Variants in LDAH observed in about 807,000 individuals in gnomAD.
LDAH encodes the protein lipid droplet-associated hydrolase.
In LDAH, 26 loss-of-function variants were observed where a neutral mutation model predicts 29.6. That is an observed-to-expected ratio of 0.88 (90% CI 0.64 to 1.22). The LOEUF is 1.22. Ranked by LOEUF, LDAH falls within the 50% of genes most tolerant of loss-of-function variation. The probability of loss-of-function intolerance (pLI) is 0.00; values close to 1 mark genes in which losing one functional copy is unlikely to be tolerated. For synonymous variants in LDAH, 117 were observed against 133.0 expected (o/e 0.88, Z 0.83); for missense variants, 344 against 387.3 (o/e 0.89, Z 0.94).
In LDAH at chr2:20,740,163, A is replaced by G. The variant is rs773762561; in HGVS notation, c.511T>C (p.Ser171Pro). The change falls in exon 5 of 7, where the codon TCT becomes CCT. Residue 171 changes from serine (S) to proline (P), a missense_variant. Physicochemically the swap from Ser to Pro is moderately conservative, Grantham distance 74 (BLOSUM62 -1). Coordinates refer to ENST00000237822, the MANE Select transcript of LDAH (RefSeq NM_021925.4). ...FLLFPTIERMSESPNGRIATP... is the reference protein window; with the variant it reads ...FLLFPTIERMPESPNGRIATP... The stretch of plus-strand genomic sequence containing the variant: ...GCAATTCTGCCATTGGGTGACTCAG[A>G]CATTCGTTCAATTGTTGGAAAGAGC... The G allele has an allele frequency of 1.9e-6, 3 of 1,614,144 alleles. No individual in the cohort carries two copies. Among genetic ancestry groups the G allele is most frequent in the Non-Finnish European group, 2.5e-6 (3 of 1,179,986 alleles).
At chr2:20,770,714 T>G (rs1379809090) in intron 4 of LDAH, among the ~76,000 whole-genome samples, 2 of 152,216 alleles carry the variant, frequency 1.3e-5, no homozygotes, top group Non-Finnish European at 2.9e-5. Context: ...AGCAGTTGTG[T>G]ACACTGCAGG....
intron 3 of LDAH, among the ~76,000 whole-genome samples, chr2:20,780,126 T>C (rs946479118): frequency 1.3e-5 from 2 of 152,232 alleles, no homozygotes; most frequent in Non-Finnish European, 2.9e-5. Flanking sequence ...ACAACTCTGT[T>C]AGCTCTTAAA....
chr2:20,716,737 T>C lies in LDAH; in HGVS notation c.704-15085A>G, dbSNP rs536300282. 3.4e-5 allele frequency among the ~76,000 whole-genome samples: 5 copies of C among 149,216 alleles called. No homozygotes were observed. In the South Asian group the frequency reaches 6.4e-4, roughly 19 times the overall value. Reference sequence around the variant, plus strand: ...AACTTTAAGTATATATACATATATATATATATATGAGTAGAGAAGCACCCT... The same window carrying C: ...AACTTTAAGTATATATACATATATACATATATATGAGTAGAGAAGCACCCT... On this transcript the variant is annotated intron_variant, in intron 5 of 6. Coordinates refer to ENST00000237822, the MANE Select transcript of LDAH (RefSeq NM_021925.4).
intron 4 of LDAH, among the ~76,000 whole-genome samples, chr2:20,747,367 G>A (rs1667644563): frequency 6.6e-6 from 1 of 152,064 alleles, no homozygotes; most frequent in African/African-American, 2.4e-5. Flanking sequence ...ATGGCAGGGT[G>A]CTTCTCCACC....
rs1263934496 is a variant in LDAH at position 20,684,098 on chromosome 2, A to G, written c.*2805T>C. The G allele has an allele frequency of 6.6e-6, 1 of 152,248 alleles. No homozygotes were observed. Among genetic ancestry groups the G allele is most frequent in the Non-Finnish European group, 1.5e-5 (1 of 68,044 alleles). 9.4% of individuals were successfully genotyped at this position (152,248 alleles called of 1,614,324 possible). A position where few individuals can be genotyped will look rare whatever the true frequency, so the allele number is the denominator to read the frequency against. ...TCAAACTTCCAAAAAATCTGCAAGT[A>G]CAAAGAACATTATTTTCCCCTCAAC... On this transcript the variant is annotated 3_prime_UTR_variant, in exon 7 of 7. Coordinates refer to ENST00000237822, the MANE Select transcript of LDAH (RefSeq NM_021925.4).
chr2:20,808,634 C>A (rs988664524), intron 1 of LDAH, among the ~76,000 whole-genome samples: 1 of 143,882 alleles, frequency 7.0e-6, no homozygotes, highest in Non-Finnish European at 1.5e-5. Flanking sequence ...CTCCAGCCTG[C>A]GCGATAGAGA....
At chr2:20,740,725 A>G (rs922165102) in intron 4 of LDAH, among the ~76,000 whole-genome samples, 3 of 152,328 alleles carry the variant, frequency 2.0e-5, no homozygotes, top group African/African-American at 7.2e-5. Context: ...GCAATTATGA[A>G]TAAAGCTGCT....
intron 1 of LDAH, among the ~76,000 whole-genome samples, chr2:20,808,468 C>T (rs1179930099): frequency 2.0e-5 from 3 of 152,010 alleles, no homozygotes; most frequent in Non-Finnish European, 4.4e-5. Flanking sequence ...TAGAGACCAT[C>T]CTGGCTAACA....
Position 20,684,980 on chromosome 2 carries a change from C to A in LDAH, c.*1923G>T. 1 of 1,545,440 alleles carries A rather than the reference C, an allele frequency of 6.5e-7. No homozygotes were observed. Among genetic ancestry groups the A allele is most frequent in the Non-Finnish European group, 8.7e-7 (1 of 1,144,542 alleles). On this transcript the variant is annotated 3_prime_UTR_variant, in exon 7 of 7. Transcript: ENST00000237822. ...TCACTTTAAAAGAGAGACTTTGAGC[C>A]GAGTCTAACTCAGGAGAACTGCTCA...
intron 4 of LDAH, among the ~76,000 whole-genome samples, chr2:20,762,486 C>T (rs1668759079): frequency 6.6e-6 from 1 of 152,158 alleles, no homozygotes; most frequent in Non-Finnish European, 1.5e-5. Context: ...GAAGTACACA[C>T]ATACACAACA....
intron 4 of LDAH, among the ~76,000 whole-genome samples, chr2:20,753,013 C>T (rs1398415262): frequency 6.6e-6 from 1 of 152,090 alleles, no homozygotes; most frequent in East Asian, 1.9e-4. Flanking sequence ...ACAACAAAAA[C>T]CAGGCACCTT....
chr2:20,744,223 AT>A (rs3047719), intron 4 of LDAH, among the ~76,000 whole-genome samples: 12,825 of 131,098 alleles, frequency 0.098, 504 homozygotes, highest in African/African-American at 0.11. Context: ...TTCTCCTCAG[AT>A]TTTTTTTTTT....
intron 5 of LDAH, among the ~76,000 whole-genome samples, chr2:20,715,303 G>A (rs4556939): frequency 0.59 from 89,730 of 151,996 alleles, 28,299 homozygotes; most frequent in African/African-American, 0.84. Flanking sequence ...CAATAGATGC[G>A]GAAAAGGCCT....
chr2:20,748,333 G>A lies in LDAH; in HGVS notation c.469-8128C>T, dbSNP rs182935675. Among the ~76,000 whole-genome samples, 227 of 152,128 alleles carry A rather than the reference G, an allele frequency of 1.5e-3. 1 individual carries two copies. Among genetic ancestry groups the A allele is most frequent in the Non-Finnish European group, 1.9e-3 (127 of 67,998 alleles). ...TTAATACTTTTAATCTTCATGTCAC[G>A]GTTGTTAATAATAAGGAATGTTTGC... On this transcript the variant is annotated intron_variant, in intron 4 of 6. Coordinates refer to ENST00000237822, the MANE Select transcript of LDAH (RefSeq NM_021925.4).
intron 3 of LDAH, among the ~76,000 whole-genome samples, chr2:20,781,931 C>T (rs990970608): frequency 3.9e-5 from 6 of 152,156 alleles, no homozygotes; most frequent in African/African-American, 1.4e-4. Flanking sequence ...CAATAGTACA[C>T]AAGCAGGCCA....
intron 5 of LDAH, among the ~76,000 whole-genome samples, chr2:20,718,290 C>T (rs935986316): frequency 6.6e-6 from 1 of 151,990 alleles, no homozygotes; most frequent in Non-Finnish European, 1.5e-5. Flanking sequence ...TATAAAGATA[C>T]CCATAGAGTA....
chr2:20,696,352 C>G (rs1663479215), intron 6 of LDAH, among the ~76,000 whole-genome samples: 1 of 152,176 alleles, frequency 6.6e-6, no homozygotes, highest in Admixed American at 6.5e-5. Context: ...AGTTCCTGTT[C>G]TTGAGGACAC....
chr2:20,738,918 G>A (rs566836835), intron 5 of LDAH, among the ~76,000 whole-genome samples: 13 of 152,270 alleles, frequency 8.5e-5, no homozygotes, highest in Non-Finnish European at 1.8e-4. Flanking sequence ...GTGACCTTAT[G>A]GCATTCTTAA....
rs997107165 is a variant in LDAH, at chr2:20,773,216, T to C, written c.468+1594A>G. 4.6e-5 allele frequency among the ~76,000 whole-genome samples: 7 copies of C among 152,088 alleles called. No individual in the cohort carries two copies. The East Asian group carries it at 1.4e-3, about 29-fold the overall frequency. On this transcript the variant is annotated intron_variant, in intron 4 of 6. Coordinates refer to ENST00000237822, the MANE Select transcript of LDAH (RefSeq NM_021925.4). ...TTATATAATTCCTCACAAAAATACT[T>C]TGAAGAACATATTATCCCCATTTTA...
Sources: gnomAD v4.1 joint callset for allele counts (sites outside exome capture counted in the v4.1 genomes callset) on GRCh38, gnomAD v4.1.1 for gene constraint, MANE v1.5 for transcripts, NCBI Gene and HGNC (gene_info 2026-07-23, HGNC 2026-07-21) for gene names.